Variants in ACAP2 observed in about 807,000 individuals in gnomAD.
ACAP2 encodes arf-GAP with coiled-coil, ANK repeat and PH domain-containing protein 2.
ACAP2 carries 39 observed loss-of-function variants against 115.8 expected under a neutral mutation model. The observed-to-expected ratio is 0.34, with a 90% CI of 0.26 to 0.44. The LOEUF (loss-of-function observed/expected upper bound fraction) is 0.44. Ranked by LOEUF, ACAP2 falls within the 20% of genes least tolerant of loss-of-function variation. The probability of loss-of-function intolerance (pLI) is 1.00; values close to 1 mark genes in which losing one functional copy is unlikely to be tolerated. For missense variants in ACAP2, 662 were observed against 927.6 expected (o/e 0.71, Z 3.72); for synonymous variants, 289 against 315.8 (o/e 0.92, Z 0.90).
At chr3:195,285,376 A>G (rs1031747421) in intron 22 of ACAP2, 1 of 154,878 alleles carries the variant, frequency 6.5e-6, no homozygotes, top group African/African-American at 2.4e-5. Flanking sequence ...GAATAACAAA[A>G]AGAAAACAAT....
chr3:195,353,128 G>A (rs1731725416), intron 4 of ACAP2, among the ~76,000 whole-genome samples: 2 of 150,612 alleles, frequency 1.3e-5, no homozygotes, highest in African/African-American at 4.9e-5. Flanking sequence ...TGCCCATGCT[G>A]CTCTTGGATC....
intron 9 of ACAP2, among the ~76,000 whole-genome samples, chr3:195,326,177 A>G (rs1044537424): frequency 1.3e-5 from 2 of 152,242 alleles, no homozygotes; most frequent in Admixed American, 6.5e-5. Flanking sequence ...CAATGCCAGA[A>G]GGCATCCTGT....
At chr3:195,390,440 T>G (rs991505401) in intron 2 of ACAP2, among the ~76,000 whole-genome samples, 1 of 152,198 alleles carries the variant, frequency 6.6e-6, no homozygotes, top group East Asian at 1.9e-4. Context: ...CTTCTAAAAT[T>G]TTGATGTAAT....
intron 1 of ACAP2, among the ~76,000 whole-genome samples, chr3:195,436,133 ATT>A (rs201946104): frequency 1.4e-3 from 154 of 110,438 alleles, no homozygotes; most frequent in South Asian, 7.6e-3. Flanking sequence ...ATATATATAT[ATT>A]TTTTTTTTTT....
At chr3:195,335,744 G>A (rs1730456635) in intron 7 of ACAP2, among the ~76,000 whole-genome samples, 1 of 152,078 alleles carries the variant, frequency 6.6e-6, no homozygotes, top group Non-Finnish European at 1.5e-5. Flanking sequence ...AAAGCTAGGT[G>A]GGGACAAGAA....
intron 2 of ACAP2, among the ~76,000 whole-genome samples, chr3:195,384,030 G>A (rs1560311785): frequency 3.3e-5 from 5 of 152,166 alleles, no homozygotes; most frequent in Admixed American, 6.5e-5. Context: ...TGGTAGGAGT[G>A]TAAATTGGTA....
At chr3:195,290,211 A>G (rs1487272792) in intron 20 of ACAP2, among the ~76,000 whole-genome samples, 1 of 152,050 alleles carries the variant, frequency 6.6e-6, no homozygotes, top group Non-Finnish European at 1.5e-5. Flanking sequence ...TCTAAAAAAA[A>G]TTTAAAAATT....
In ACAP2 at chr3:195,400,792, G is replaced by A. The variant is rs185979486; in HGVS notation, c.54-8645C>T. Among the ~76,000 whole-genome samples, 920 of 152,272 alleles carry A rather than the reference G, an allele frequency of 6.0e-3. 9 individuals are homozygous for A. Among genetic ancestry groups the A allele is most frequent in the African/African-American group, 0.021 (877 of 41,554 alleles). On this transcript the variant is annotated intron_variant, in intron 1 of 22. Transcript: ENST00000326793. The stretch of plus-strand genomic sequence containing the variant: ...AAAGAACATTGTGGCTGATAATAAT[G>A]AAAAGACAACCAAGTATCTCAAAGA...
intron 2 of ACAP2, among the ~76,000 whole-genome samples, chr3:195,386,930 T>C (rs1474625717): frequency 1.3e-5 from 2 of 151,960 alleles, no homozygotes; most frequent in African/African-American, 2.4e-5. Flanking sequence ...AAGTAGGATA[T>C]CAGCATTCCA....
At chr3:195,329,315 C>T (rs535985070) in intron 8 of ACAP2, among the ~76,000 whole-genome samples, 27 of 152,142 alleles carry the variant, frequency 1.8e-4, no homozygotes, top group African/African-American at 6.5e-4. Context: ...TAAAAAGGGT[C>T]CCGTGTTTGT....
chr3:195,387,752 A>G (rs927398361), intron 2 of ACAP2, among the ~76,000 whole-genome samples: 1 of 152,188 alleles, frequency 6.6e-6, no homozygotes, highest in Non-Finnish European at 1.5e-5. Flanking sequence ...CACCACTCCC[A>G]GCCCATTTTT....
At chr3:195,425,378 T>C (rs1714606495) in intron 1 of ACAP2, among the ~76,000 whole-genome samples, 2 of 152,212 alleles carry the variant, frequency 1.3e-5, no homozygotes, top group African/African-American at 4.8e-5. Context: ...ATTCCTCAAA[T>C]AAAAATTATA....
rs3072388 is a variant in ACAP2, at chr3:195,439,191, C to CTTT, written c.53+3601_53+3603dup. The stretch of plus-strand genomic sequence containing the variant: ...AACTAAAGCATACCAAGGCTAAGGC[C>CTTT]TTTTTTTTTTTTTTTTTAAGAGAGA... On this transcript the variant is annotated intron_variant, in intron 1 of 22. Coordinates refer to ENST00000326793, the MANE Select transcript of ACAP2 (RefSeq NM_012287.6). Among the ~76,000 whole-genome samples, 298 of 133,276 alleles carry CTTT rather than the reference C, an allele frequency of 2.2e-3. 7 individuals are homozygous for CTTT. Among genetic ancestry groups the CTTT allele is most frequent in the African/African-American group, 5.6e-3 (198 of 35,286 alleles). The allele number at this position is 133,276 out of a possible 152,430, so 87.4% of individuals were successfully genotyped here. A position where few individuals can be genotyped will look rare whatever the true frequency, so the allele number is the denominator to read the frequency against.
chr3:195,416,479 AC>A (rs1713738485), intron 1 of ACAP2, among the ~76,000 whole-genome samples: 1 of 152,204 alleles, frequency 6.6e-6, no homozygotes, highest in Non-Finnish European at 1.5e-5. Flanking sequence ...AGGATATGAA[AC>A]ATACACCATC....
rs1394241678 is a variant in ACAP2 at position 195,275,629 on chromosome 3, A to C, written c.*3699T>G. ...AATAAAGTGCCTCTGACTGGTGGTC[A>C]GTCAGACCTGGGTAATGGTGCCAAT... is the stretch of plus-strand genomic sequence containing the variant. On this transcript the variant is annotated 3_prime_UTR_variant, in exon 23 of 23. Transcript: ENST00000326793. 6.6e-6 allele frequency: 1 copy of C among 152,214 alleles called. No homozygotes were observed. Among genetic ancestry groups the C allele is most frequent in the Non-Finnish European group, 1.5e-5 (1 of 68,032 alleles). 9.4% of individuals were successfully genotyped at this position (152,214 alleles called of 1,614,324 possible).
At chr3:195,307,095 T>C (rs1560224620) in intron 12 of ACAP2, 128 bp downstream of exon 12, 1 of 627,838 alleles carries the variant, frequency 1.6e-6, no homozygotes, top group Admixed American at 3.0e-5. Context: ...TATTGAAAAT[T>C]ATTTTTAAAA....
At chr3:195,330,852 G>A (rs747699070) in intron 8 of ACAP2, among the ~76,000 whole-genome samples, 22 of 152,162 alleles carry the variant, frequency 1.4e-4, no homozygotes, top group Non-Finnish European at 2.9e-4. Flanking sequence ...TGTGCTTAGA[G>A]AGAAAACATA....
intron 1 of ACAP2, among the ~76,000 whole-genome samples, chr3:195,412,507 G>T (rs1461704036): frequency 6.6e-6 from 1 of 152,090 alleles, no homozygotes; most frequent in Non-Finnish European, 1.5e-5. Flanking sequence ...AGCTACTCAG[G>T]AGGCTGAGGC....
At chr3:195,306,172 A>G (rs974084165) in intron 13 of ACAP2, among the ~76,000 whole-genome samples, 1 of 152,094 alleles carries the variant, frequency 6.6e-6, no homozygotes, top group African/African-American at 2.4e-5. Flanking sequence ...TTTTGCTTTC[A>G]TTCAGTTTTA....
Sources: allele counts gnomAD v4.1 joint callset (sites outside exome capture counted in the v4.1 genomes callset), GRCh38; gene constraint gnomAD v4.1.1; transcripts MANE v1.5; gene names NCBI Gene and HGNC (gene_info 2026-07-23, HGNC 2026-07-21).